Variants in AUTS2 observed in about 807,000 individuals in gnomAD.
AUTS2 encodes autism susceptibility gene 2 protein.
In AUTS2, 17 loss-of-function variants were observed where a neutral mutation model predicts 112.4. The ratio of observed to expected loss-of-function variants is 0.15; its 90% CI spans 0.10 to 0.23. AUTS2 has a LOEUF of 0.23. AUTS2 is among the 10% of genes least tolerant of loss of function. The pLI is 1.00. For synonymous variants in AUTS2, 751 were observed against 702.7 expected (o/e 1.07, Z -1.09); for missense variants, 1,510 against 1,701.6 (o/e 0.89, Z 1.98).
intron 1 of AUTS2, among the ~76,000 whole-genome samples, chr7:69,758,462 A>G (rs1788031562): frequency 6.6e-6 from 1 of 152,178 alleles, no homozygotes; most frequent in Non-Finnish European, 1.5e-5. Context: ...TTCCTTTTTC[A>G]AATGATCCGG....
intron 5 of AUTS2, among the ~76,000 whole-genome samples, chr7:70,439,482 T>C (rs374559799): frequency 3.6e-5 from 5 of 140,566 alleles, no homozygotes; most frequent in East Asian, 4.2e-4. Flanking sequence ...GAAGTTGCAG[T>C]GAGCCGAGAT....
At chr7:70,245,145 T>TAC (rs1491533970) in intron 4 of AUTS2, among the ~76,000 whole-genome samples, 1 of 25,162 alleles carries the variant, frequency 4.0e-5, no homozygotes, top group Non-Finnish European at 9.6e-5. Context: ...TGTGTGTGTG[T>TAC]ATATATATAT....
At chr7:70,125,876 A>C (rs1805945284) in intron 3 of AUTS2, among the ~76,000 whole-genome samples, 1 of 152,196 alleles carries the variant, frequency 6.6e-6, no homozygotes, top group Non-Finnish European at 1.5e-5. Flanking sequence ...GTGGGAGAAT[A>C]CATTCAGTCC....
chr7:70,021,975 C>T (rs1426502699), intron 2 of AUTS2, among the ~76,000 whole-genome samples: 1 of 151,694 alleles, frequency 6.6e-6, no homozygotes, highest in Non-Finnish European at 1.5e-5. Context: ...TGTCCCAGTT[C>T]CATAGAGGCA....
At chr7:70,494,860 C>A (rs1798388001) in intron 5 of AUTS2, among the ~76,000 whole-genome samples, 1 of 152,122 alleles carries the variant, frequency 6.6e-6, no homozygotes. Flanking sequence ...AATTTATGAG[C>A]ATTTTCAGTG....
intron 3 of AUTS2, among the ~76,000 whole-genome samples, chr7:70,127,742 G>A (rs1045655520): frequency 1.3e-5 from 2 of 152,116 alleles, no homozygotes; most frequent in Non-Finnish European, 2.9e-5. Flanking sequence ...CTACACAGTT[G>A]TCTACTCTTA....
intron 6 of AUTS2, among the ~76,000 whole-genome samples, chr7:70,717,868 A>G (rs973550610): frequency 6.6e-6 from 1 of 152,144 alleles, no homozygotes; most frequent in Non-Finnish European, 1.5e-5. Flanking sequence ...TTTTAAAGGC[A>G]TCCTCACCAC....
At chr7:70,109,195 T>A (rs1054489884) in intron 2 of AUTS2, among the ~76,000 whole-genome samples, 1 of 152,250 alleles carries the variant, frequency 6.6e-6, no homozygotes, top group Admixed American at 6.5e-5. Flanking sequence ...AAGTAAGTTT[T>A]GTGTGTTTAT....
chr7:69,939,748 C>G (rs1013647088), intron 2 of AUTS2, among the ~76,000 whole-genome samples: 1 of 152,160 alleles, frequency 6.6e-6, no homozygotes, highest in African/African-American at 2.4e-5. Flanking sequence ...GGTGCATCCT[C>G]CTTATCTATG....
At chr7:70,642,790 C>CGTA (rs34399786) in intron 5 of AUTS2, among the ~76,000 whole-genome samples, 1 of 151,812 alleles carries the variant, frequency 6.6e-6, no homozygotes, top group South Asian at 2.1e-4. Context: ...CATAAACATG[C>CGTA]GTGTCAACTC....
At chr7:70,434,440 T>A (rs1795806641) in intron 4 of AUTS2, among the ~76,000 whole-genome samples, 1 of 152,216 alleles carries the variant, frequency 6.6e-6, no homozygotes, top group Non-Finnish European at 1.5e-5. Flanking sequence ...CCAACTCCCA[T>A]GTCCAGGTGG....
intron 4 of AUTS2, among the ~76,000 whole-genome samples, chr7:70,316,482 C>T (rs1408350523): frequency 6.8e-6 from 1 of 147,996 alleles, no homozygotes; most frequent in African/African-American, 2.5e-5. Flanking sequence ...CAGCTCACTG[C>T]AACACCCACC....
chr7:70,030,986 T>C (rs528856072), intron 2 of AUTS2, among the ~76,000 whole-genome samples: 1 of 152,128 alleles, frequency 6.6e-6, no homozygotes, highest in Admixed American at 6.6e-5. Flanking sequence ...TGTAAAACTA[T>C]CTTTTAGGAG....
chr7:70,570,523 T>C (rs740114), intron 5 of AUTS2, among the ~76,000 whole-genome samples: 57,036 of 151,954 alleles, frequency 0.38, 11,044 homozygotes, highest in Admixed American at 0.47. Flanking sequence ...GGTCCACCTA[T>C]AAGATTTTGA....
intron 1 of AUTS2, among the ~76,000 whole-genome samples, chr7:69,761,155 G>A (rs898252698): frequency 2.0e-5 from 3 of 152,182 alleles, no homozygotes; most frequent in Non-Finnish European, 2.9e-5. Context: ...GCATGCTTCA[G>A]CTGCCTGGAA....
At chr7:70,147,852 A>G (rs1807214646) in intron 4 of AUTS2, among the ~76,000 whole-genome samples, 1 of 152,116 alleles carries the variant, frequency 6.6e-6, no homozygotes, top group Admixed American at 6.6e-5. Context: ...ATGGCACTCT[A>G]GAAGTCTTCA....
At chr7:70,393,656 G>T (rs1036226220) in intron 4 of AUTS2, among the ~76,000 whole-genome samples, 3 of 152,106 alleles carry the variant, frequency 2.0e-5, no homozygotes, top group Non-Finnish European at 4.4e-5. Context: ...ATGTTATTGG[G>T]CTTCCTTGCT....
intron 1 of AUTS2, among the ~76,000 whole-genome samples, chr7:69,845,607 G>A (rs1792161728): frequency 6.6e-6 from 1 of 152,184 alleles, no homozygotes; most frequent in South Asian, 2.1e-4. Flanking sequence ...GAAAAGGAAA[G>A]TTGGTAATTT....
intron 2 of AUTS2, among the ~76,000 whole-genome samples, chr7:70,036,113 C>A (rs557162268): frequency 6.6e-6 from 1 of 152,278 alleles, no homozygotes; most frequent in South Asian, 2.1e-4. Context: ...AAGGTAGCGG[C>A]GCCGGCCAGA....
Sources: allele counts gnomAD v4.1 joint callset (sites outside exome capture counted in the v4.1 genomes callset), GRCh38; gene constraint gnomAD v4.1.1; transcripts MANE v1.5; gene names NCBI Gene and HGNC (gene_info 2026-07-23, HGNC 2026-07-21).